The following PDE4B variants were observed in gnomAD, a reference collection of about 807,000 sequenced individuals.
PDE4B encodes 3',5'-cyclic-AMP phosphodiesterase 4B.
In PDE4B, 20 loss-of-function variants were observed where a neutral mutation model predicts 82.2. The observed-to-expected ratio is 0.24, with a 90% CI of 0.17 to 0.35. PDE4B has a LOEUF of 0.35. PDE4B is among the 10% of genes least tolerant of loss of function. The pLI is 1.00. For missense variants in PDE4B, 655 were observed against 907.2 expected (o/e 0.72, Z 3.57); for synonymous variants, 320 against 318.9 (o/e 1.00, Z -0.04).
intron 7 of PDE4B, among the ~76,000 whole-genome samples, chr1:66,301,005 G>A (rs1657849908): frequency 6.6e-6 from 1 of 152,130 alleles, no homozygotes; most frequent in South Asian, 2.1e-4. Context: ...CTCTAGTAAA[G>A]AGCGAAAAAG....
chr1:66,023,840 GT>G (rs1653283236), intron 3 of PDE4B, among the ~76,000 whole-genome samples: 1 of 149,458 alleles, frequency 6.7e-6, no homozygotes, highest in Non-Finnish European at 1.5e-5. Context: ...GTTGGGTAGG[GT>G]TATTTAGGGC....
intron 3 of PDE4B, among the ~76,000 whole-genome samples, chr1:66,019,816 A>G (rs778514573): frequency 1.3e-5 from 2 of 152,200 alleles, no homozygotes; most frequent in Admixed American, 6.5e-5. Context: ...CCCAAATCTG[A>G]TCTGGAAATC....
chr1:66,155,944 T>C (rs1323698409), intron 3 of PDE4B, among the ~76,000 whole-genome samples: 1 of 152,192 alleles, frequency 6.6e-6, no homozygotes, highest in Non-Finnish European at 1.5e-5. Flanking sequence ...TACTTTATGC[T>C]TCTACAAAAC....
In PDE4B at chr1:66,062,336, C is replaced by T. The variant is rs145030655; in HGVS notation, c.281+143501C>T. Among the ~76,000 whole-genome samples, 237 of 152,088 alleles carry T rather than the reference C, an allele frequency of 1.6e-3. 2 individuals are homozygous for T. Among genetic ancestry groups the T allele is most frequent in the Admixed American group, 0.012 (186 of 15,232 alleles). The stretch of plus-strand genomic sequence containing the variant: ...CCTAAATAAAAATGGCACTTTATTT[C>T]GTTAGCATCATGGAGGGTTTATAGG... On this transcript the variant is annotated intron_variant, in intron 3 of 16. Transcript: ENST00000341517.
chr1:66,151,498 T>C (rs1382371033), intron 3 of PDE4B, among the ~76,000 whole-genome samples: 2 of 152,190 alleles, frequency 1.3e-5, no homozygotes, highest in Non-Finnish European at 2.9e-5. Context: ...ACCATTATAT[T>C]CAAATTCCCA....
intron 3 of PDE4B, among the ~76,000 whole-genome samples, chr1:66,092,714 A>G (rs937899710): frequency 1.3e-5 from 2 of 152,024 alleles, no homozygotes; most frequent in African/African-American, 4.8e-5. Context: ...TCTCAAAGGA[A>G]GTAGCATTTA....
At position 66,055,364 on chromosome 1, in the gene PDE4B, A is replaced by G. The variant is rs540306096; in HGVS notation, c.281+136529A>G. On this transcript the variant is annotated intron_variant, in intron 3 of 16. Coordinates refer to ENST00000341517, the MANE Select transcript of PDE4B (RefSeq NM_002600.4). ...AGCCTCGATTATCTTTTGGCTAGCC[A>G]AACTTACCATGTAGAGTTGTTGTAA... is the stretch of plus-strand genomic sequence containing the variant. Among the ~76,000 whole-genome samples the G allele has an allele frequency of 1.6e-3, 251 of 152,366 alleles. 1 individual carries two copies. The highest frequency in any genetic ancestry group is 0.01 in the Middle Eastern group (3 of 294).
chr1:65,993,194 C>A, intron 3 of PDE4B: 2 of 1,313,794 alleles, frequency 1.5e-6, no homozygotes, highest in Non-Finnish European at 2.2e-6. Flanking sequence ...CTCGCATTAG[C>A]ACCAGTGATC....
chr1:66,071,061 C>T (rs1212143465), intron 3 of PDE4B, among the ~76,000 whole-genome samples: 1 of 151,840 alleles, frequency 6.6e-6, no homozygotes, highest in Non-Finnish European at 1.5e-5. Context: ...TGAATGTTAA[C>T]ATTTTTCTTA....
intron 7 of PDE4B, 38 bp from the exon 8 acceptor site, chr1:66,332,470 G>A (rs780514295): frequency 5.6e-6 from 9 of 1,614,030 alleles, no homozygotes; most frequent in East Asian, 2.2e-5. Flanking sequence ...GCCTGCAGCC[G>A]CTCCAGCCTA....
chr1:66,082,444 T>C (rs116231569), intron 3 of PDE4B, among the ~76,000 whole-genome samples: 1,767 of 152,220 alleles, frequency 0.012, 38 homozygotes, highest in African/African-American at 0.041. Flanking sequence ...TTTCTCTTTT[T>C]CCAAGGCCCA....
At chr1:65,874,953 A>T (rs1646621212) in intron 1 of PDE4B, among the ~76,000 whole-genome samples, 1 of 151,900 alleles carries the variant, frequency 6.6e-6, no homozygotes, top group Non-Finnish European at 1.5e-5. Context: ...GACAAATGGG[A>T]TCTAATTAAA....
chr1:66,275,716 G>A (rs1463786162), intron 7 of PDE4B, among the ~76,000 whole-genome samples: 4 of 152,124 alleles, frequency 2.6e-5, no homozygotes, highest in Admixed American at 6.6e-5. Context: ...ACATTATGAA[G>A]TTGCCTCCAG....
chr1:66,018,769 T>C (rs1183774792), intron 3 of PDE4B, among the ~76,000 whole-genome samples: 1 of 152,228 alleles, frequency 6.6e-6, no homozygotes. Flanking sequence ...ATGCCTTTTA[T>C]ATATTTATCC....
At chr1:66,366,852 C>T (rs779975996) in intron 13 of PDE4B, among the ~76,000 whole-genome samples, 2 of 152,148 alleles carry the variant, frequency 1.3e-5, no homozygotes, top group Non-Finnish European at 2.9e-5. Context: ...AACAAGAGTA[C>T]TCATTGGAGG....
At chr1:66,009,962 A>G (rs1239497460) in intron 3 of PDE4B, among the ~76,000 whole-genome samples, 1 of 150,292 alleles carries the variant, frequency 6.7e-6, no homozygotes, top group African/African-American at 2.5e-5. Context: ...TCATCTATCT[A>G]TCTAATCTTT....
rs140589204 is a variant in PDE4B at position 66,196,991 on chromosome 1, G to A, written c.282-50469G>A. Among the ~76,000 whole-genome samples the A allele has an allele frequency of 4.6e-5, 7 of 152,076 alleles. No homozygotes were observed. The East Asian group carries it at 1.4e-3, about 29-fold the overall frequency. Reference sequence around the variant, plus strand: ...AAAAAATAACAAAAAAGAAACATAAGAGCTCAGGATAAAGAAAATAACAAA... The same window carrying A: ...AAAAAATAACAAAAAAGAAACATAAAAGCTCAGGATAAAGAAAATAACAAA... On this transcript the variant is annotated intron_variant, in intron 3 of 16. Transcript: ENST00000341517.
chr1:65,960,013 A>T (rs1649467494), intron 3 of PDE4B, among the ~76,000 whole-genome samples: 1 of 152,138 alleles, frequency 6.6e-6, no homozygotes, highest in Non-Finnish European at 1.5e-5. Context: ...CCTGGCTCAC[A>T]TATTTGATTT....
chr1:65,918,711 C>A lies in PDE4B; in HGVS notation c.157C>A (p.Pro53Thr). 2 of 1,612,678 alleles carry A rather than the reference C, an allele frequency of 1.2e-6. No homozygotes were observed. The highest frequency in any genetic ancestry group is 2.2e-5 in the South Asian group (2 of 91,058). Residue 53 changes from proline to threonine, a missense_variant, in exon 3 of 17, where the codon CCA becomes ACA. By Grantham distance (38) the Pro-to-Thr change is conservative. Around this residue, in one of 3 missense-constraint regions of PDE4B, gnomAD observed 253 missense variants for 275.6 expected, o/e 0.92. Transcript: ENST00000341517. Reference sequence around the variant, plus strand: ...GTGTTGCTCAGGAAACTTACAGTTACCACCACTGTCTCAAAGACAGAGTGA... The same window carrying A: ...GTGTTGCTCAGGAAACTTACAGTTAACACCACTGTCTCAAAGACAGAGTGA... ...RRCCSGNLQL[P>T]PLSQRQSERA...
Sources: gnomAD v4.1 joint callset for allele counts (sites outside exome capture counted in the v4.1 genomes callset) on GRCh38, gnomAD v4.1.1 for gene constraint, gnomAD v4.1.1 regional missense constraint, MANE v1.5 for transcripts, NCBI Gene and HGNC (gene_info 2026-07-23, HGNC 2026-07-21) for gene names.